The following KRT73 variants were observed in gnomAD, a reference collection of about 807,000 sequenced individuals.
The protein encoded by KRT73 is keratin, type II cytoskeletal 73.
KRT73 carries 44 observed loss-of-function variants against 47.2 expected under a neutral mutation model. That is an observed-to-expected ratio of 0.93 (90% CI 0.73 to 1.20). The LOEUF is 1.20. Among genes scored for constraint, KRT73 ranks in the 50% most tolerant of loss-of-function variants. The probability of loss-of-function intolerance (pLI) is 0.00; values close to 1 mark genes in which losing one functional copy is unlikely to be tolerated. For missense variants in KRT73, 713 were observed against 704.5 expected, an observed-to-expected ratio of 1.01 and a Z score of -0.14; for synonymous variants, 285 against 291.3, an observed-to-expected ratio of 0.98 and a Z score of 0.22.
intron 6 of KRT73, 100 bp from the exon 7 acceptor site, chr12:52,610,935 T>G: frequency 2.7e-6 from 3 of 1,102,910 alleles, no homozygotes; most frequent in Non-Finnish European, 3.9e-6. Context: ...TCCTGCCCCA[T>G]GTCCTGGAGC....
chr12:52,618,422 C>T lies in KRT73; in HGVS notation c.103G>A (p.Gly35Arg), dbSNP rs1462285736. The T allele has an allele frequency of 6.2e-7, 1 of 1,614,154 alleles. No individual in the cohort carries two copies. Residue 35 changes from glycine to arginine, a missense_variant, in exon 1 of 9, where the codon GGG becomes AGG. By Grantham distance (125) the Gly-to-Arg change is moderately radical. Coordinates refer to ENST00000305748, the MANE Select transcript of KRT73 (RefSeq NM_175068.3). ...SGGSSSSYRA[G>R]GKGLSGGFSS... ...AAGCCTCCACTGAGCCCTTTGCCCC[C>T]TGCTCGGTAGGAGGATGAGCTGCCC...
intron 4 of KRT73, 101 bp downstream of exon 4, chr12:52,614,478 G>T: frequency 1.1e-6 from 1 of 951,960 alleles, no homozygotes; most frequent in East Asian, 2.8e-5. Context: ...CAATGCTGGA[G>T]GTGCCCTGGA....
the KRT73 span, among the ~76,000 whole-genome samples, chr12:52,626,753 CCACTGCTCA>C: frequency 6.6e-6 from 1 of 152,182 alleles, no homozygotes; most frequent in Non-Finnish European, 1.5e-5. Context: ...GTCTAATAGT[CCACTGCTCA>C]AAGCTGCAGC....
chr12:52,628,195 T>C, the KRT73 span, among the ~76,000 whole-genome samples: 1 of 152,116 alleles, frequency 6.6e-6, no homozygotes, highest in African/African-American at 2.4e-5. Flanking sequence ...CATTTCAAAC[T>C]AGACTCTGCC....
chr12:52,610,239 C>G (rs1940665451), intron 7 of KRT73: 2 of 272,114 alleles, frequency 7.3e-6, no homozygotes, highest in Non-Finnish European at 1.4e-5. Context: ...CCACATCCAG[C>G]TAACTTTTGT....
intron 1 of KRT73, among the ~76,000 whole-genome samples, chr12:52,617,755 T>C (rs1212619455): frequency 1.3e-5 from 2 of 152,164 alleles, no homozygotes; most frequent in Non-Finnish European, 2.9e-5. Context: ...CCAACCCTGG[T>C]CCCTTGCCTC....
At chr12:52,622,870 C>G (rs1301599275), upstream of KRT73, among the ~76,000 whole-genome samples, 1 of 151,744 alleles carries the variant, frequency 6.6e-6, no homozygotes, top group Non-Finnish European at 1.5e-5. Flanking sequence ...GAATAAAAGG[C>G]CAGAGGAAAG....
Position 52,613,684 on chromosome 12 carries a change from T to A in KRT73, c.984+4A>T. ...CTTCACTATGGGGAGTTTTGCGGCC[T>A]CACCTTGGTCTGGTACAGGGCCTCG... On this transcript the variant is annotated splice_donor_region_variant and intron_variant, in intron 5 of 8. Coordinates refer to ENST00000305748, the MANE Select transcript of KRT73 (RefSeq NM_175068.3). The A allele has an allele frequency of 1.9e-6, 3 of 1,614,082 alleles. No individual in the cohort carries two copies. The highest frequency in any genetic ancestry group is 2.5e-6 in the Non-Finnish European group (3 of 1,179,954).
In KRT73 at chr12:52,618,306, A is replaced by C; in HGVS notation, c.219T>G (p.Phe73Leu). Residue 73 changes from phenylalanine to leucine, a missense_variant, in exon 1 of 9, where the codon TTT becomes TTG. Coordinates refer to ENST00000305748, the MANE Select transcript of KRT73 (RefSeq NM_175068.3). ...SGSGWAGGYG[F>L]GRGRASGFAG... The stretch of plus-strand genomic sequence containing the variant: ...CAAAGCCACTGGCCCGGCCCCGGCC[A>C]AATCCATAGCCTCCTGCCCACCCAC... 1 of 1,614,200 alleles carries C rather than the reference A, an allele frequency of 6.2e-7. No individual in the cohort carries two copies. The highest frequency in any genetic ancestry group is 8.5e-7 in the Non-Finnish European group (1 of 1,180,022).
intron 7 of KRT73, among the ~76,000 whole-genome samples, chr12:52,609,628 A>G (rs923993080): frequency 6.6e-6 from 1 of 152,188 alleles, no homozygotes; most frequent in African/African-American, 2.4e-5. Context: ...AGGAGTTGCT[A>G]CTAATGAACG....
intron 1 of KRT73, among the ~76,000 whole-genome samples, chr12:52,616,735 T>G (rs762225259): frequency 6.6e-5 from 10 of 152,162 alleles, no homozygotes; most frequent in Admixed American, 2.6e-4. Context: ...AGACACAAGC[T>G]GGCCTGTGCT....
chr12:52,630,304 G>C, the KRT73 span, among the ~76,000 whole-genome samples: 42,984 of 152,136 alleles, frequency 0.28, 6,579 homozygotes, highest in African/African-American at 0.39. Context: ...TGCCTATCCT[G>C]TCTCCTCTGG....
At chr12:52,624,960 T>A in the KRT73 span, among the ~76,000 whole-genome samples, 2 of 151,888 alleles carry the variant, frequency 1.3e-5, no homozygotes, top group Non-Finnish European at 2.9e-5. Context: ...AAACAAAAAA[T>A]CTTGATTTAA....
the KRT73 span, among the ~76,000 whole-genome samples, chr12:52,628,953 A>G: frequency 6.6e-6 from 1 of 152,206 alleles, no homozygotes; most frequent in East Asian, 1.9e-4. Flanking sequence ...GGAGACCCAC[A>G]GGTTTCTGTG....
the KRT73 span, among the ~76,000 whole-genome samples, chr12:52,630,499 A>G: frequency 2.0e-5 from 3 of 152,220 alleles, no homozygotes; most frequent in Admixed American, 6.5e-5. Context: ...CCGAGGGCCA[A>G]CAGTAGGCAG....
At chr12:52,615,475 C>T in intron 2 of KRT73, 136 bp from the exon 3 acceptor site, 2 of 638,712 alleles carry the variant, frequency 3.1e-6, no homozygotes, top group South Asian at 4.7e-5. Flanking sequence ...GCAAGTCCAT[C>T]CCAACACACC....
upstream of KRT73, among the ~76,000 whole-genome samples, chr12:52,620,109 C>CTT (rs10638831): frequency 0.016 from 1,476 of 94,386 alleles, 50 homozygotes; most frequent in East Asian, 0.028. Flanking sequence ...TCCTTTTTTT[C>CTT]TTTTTTTTTT....
In KRT73 at chr12:52,613,668, G is replaced by A; in HGVS notation, c.984+20C>T. The A allele has an allele frequency of 6.2e-7, 1 of 1,613,656 alleles. No individual in the cohort carries two copies. Among genetic ancestry groups the A allele is most frequent in the Non-Finnish European group, 8.5e-7 (1 of 1,179,724 alleles). On this transcript the variant is annotated intron_variant, in intron 5 of 8. Coordinates refer to ENST00000305748, the MANE Select transcript of KRT73 (RefSeq NM_175068.3). Reference sequence around the variant, plus strand: ...CAGAGGGCCCTGCATACTTCACTATGGGGAGTTTTGCGGCCTCACCTTGGT... The same window carrying A: ...CAGAGGGCCCTGCATACTTCACTATAGGGAGTTTTGCGGCCTCACCTTGGT...
chr12:52,613,588 A>T (rs1940747362), intron 5 of KRT73, 100 bp downstream of exon 5: 1 of 1,555,098 alleles, frequency 6.4e-7, no homozygotes, highest in Admixed American at 1.8e-5. Context: ...CTGTGCTCCC[A>T]GCAAGCTATG....
Sources: gnomAD v4.1 joint callset for allele counts (sites outside exome capture counted in the v4.1 genomes callset) on GRCh38, gnomAD v4.1.1 for gene constraint, MANE v1.5 for transcripts, NCBI Gene and HGNC (gene_info 2026-07-23, HGNC 2026-07-21) for gene names.